LAMA2: variants seen among roughly 807,000 people sequenced by gnomAD.
LAMA2 encodes laminin subunit alpha-2.
Under a neutral mutation model 364.8 loss-of-function variants are expected in LAMA2, and 269 were observed. The observed-to-expected ratio is 0.74, with a 90% CI of 0.67 to 0.82. The LOEUF is 0.82. Among genes scored for constraint, LAMA2 ranks in the 40% least tolerant of loss-of-function variants. The pLI is 0.00. For synonymous variants in LAMA2, 1,379 were observed against 1,370.6 expected (o/e 1.01, Z -0.14); for missense variants, 3,807 against 3,873.2 (o/e 0.98, Z 0.45).
chr6:129,304,014 A>G (rs990437898), intron 22 of LAMA2, among the ~76,000 whole-genome samples: 6 of 152,190 alleles, frequency 3.9e-5, no homozygotes, highest in Non-Finnish European at 5.9e-5. Flanking sequence ...CCAAAAGCTC[A>G]CTATTTGAAA....
chr6:129,339,999 C>CA (rs150497724), intron 29 of LAMA2, among the ~76,000 whole-genome samples: 24,611 of 113,310 alleles, frequency 0.22, 2,621 homozygotes, highest in Non-Finnish European at 0.29. Flanking sequence ...GAGACTGTCT[C>CA]AAAAAAAAAA....
At chr6:129,066,046 T>TTTTTTTCTTTTTTTC (rs1789293206) in intron 3 of LAMA2, among the ~76,000 whole-genome samples, 1 of 82,752 alleles carries the variant, frequency 1.2e-5, no homozygotes, top group Non-Finnish European at 2.6e-5. Flanking sequence ...AGGTTTTTTT[T>TTTTTTTCTTTTTTTC]TTTTTTTTTT....
At chr6:129,359,434 AG>A (rs1777338624) in intron 32 of LAMA2, among the ~76,000 whole-genome samples, 1 of 151,778 alleles carries the variant, frequency 6.6e-6, no homozygotes. Flanking sequence ...ACAGGTTAAA[AG>A]GTCTTCTTAA....
At chr6:129,394,979 A>T (rs1204702632) in intron 37 of LAMA2, among the ~76,000 whole-genome samples, 1 of 152,240 alleles carries the variant, frequency 6.6e-6, no homozygotes, top group Non-Finnish European at 1.5e-5. Flanking sequence ...AAACTAACTG[A>T]ATCAATATGA....
intron 60 of LAMA2, among the ~76,000 whole-genome samples, chr6:129,504,287 A>C (rs565571186): frequency 6.6e-6 from 1 of 152,322 alleles, no homozygotes; most frequent in East Asian, 1.9e-4. Context: ...ATCTCTAGCT[A>C]ATAGAATAAT....
At chr6:129,022,226 G>C (rs1369114680) in intron 1 of LAMA2, among the ~76,000 whole-genome samples, 1 of 152,158 alleles carries the variant, frequency 6.6e-6, no homozygotes, top group Non-Finnish European at 1.5e-5. Flanking sequence ...CAAAAGAAAA[G>C]AAAGCAATCT....
In LAMA2 at chr6:129,095,590, C is replaced by T. The variant is rs181057645; in HGVS notation, c.397-2583C>T. Among the ~76,000 whole-genome samples, 111 of 151,270 alleles carry T rather than the reference C, an allele frequency of 7.3e-4. 1 individual carries two copies. The highest frequency in any genetic ancestry group is 2.6e-3 in the African/African-American group (108 of 41,258). On this transcript the variant is annotated intron_variant, in intron 3 of 64. Transcript: ENST00000421865. ...GGCAGTGAGCTGTACATTTTTTTTC[C>T]TAATGGGACATGGGTTATGGGTTAA...
At chr6:129,434,650 A>T (rs755305848) in intron 41 of LAMA2, among the ~76,000 whole-genome samples, 4 of 152,190 alleles carry the variant, frequency 2.6e-5, no homozygotes, top group Non-Finnish European at 4.4e-5. Context: ...GTTACAATTC[A>T]AACTGAATCA....
At chr6:128,883,430 A>G in intron 1 of LAMA2, 73 bp downstream of exon 1, 1 of 1,542,012 alleles carries the variant, frequency 6.5e-7, no homozygotes, top group Non-Finnish European at 8.7e-7. Context: ...CACTCTTCCG[A>G]GAGTTGCTGT....
intron 1 of LAMA2, among the ~76,000 whole-genome samples, chr6:128,885,664 A>G (rs1248132185): frequency 6.6e-6 from 1 of 152,210 alleles, no homozygotes; most frequent in East Asian, 1.9e-4. Context: ...CTAATTGTGT[A>G]GAAGTTCTAT....
intron 32 of LAMA2, among the ~76,000 whole-genome samples, chr6:129,354,454 AG>A (rs1777040550): frequency 6.6e-6 from 1 of 152,148 alleles, no homozygotes; most frequent in African/African-American, 2.4e-5. Context: ...TTTAGTTGAT[AG>A]TATATACACA....
chr6:129,162,158 A>C lies in LAMA2; in HGVS notation c.1207-3418A>C, dbSNP rs147313895. 9.1e-4 allele frequency among the ~76,000 whole-genome samples: 139 copies of C among 152,260 alleles called. 2 individuals carry two copies. The East Asian group carries it at 0.013, about 14-fold the overall frequency. ...TCCCTTTCTCTGCAACCTCACCAGTATCTGTTATTTTTGACTTTCAGTAAT... is the reference window on the plus strand; with the variant it reads ...TCCCTTTCTCTGCAACCTCACCAGTCTCTGTTATTTTTGACTTTCAGTAAT... On this transcript the variant is annotated intron_variant, in intron 8 of 64. Coordinates refer to ENST00000421865, the MANE Select transcript of LAMA2 (RefSeq NM_000426.4).
In LAMA2 at chr6:129,199,488, G is replaced by T. The variant is rs1782046919; in HGVS notation, c.1782+6635G>T. The stretch of plus-strand genomic sequence containing the variant: ...CACTTAACATTGTGCTAGAAGATGT[G>T]GACAGTGCAGTAGATAGGAAATAAA... On this transcript the variant is annotated intron_variant, in intron 12 of 64. Coordinates refer to ENST00000421865, the MANE Select transcript of LAMA2 (RefSeq NM_000426.4). Among the ~76,000 whole-genome samples the T allele has an allele frequency of 2.0e-5, 3 of 152,178 alleles. No homozygotes were observed. The South Asian group carries it at 6.2e-4, about 32-fold the overall frequency.
intron 1 of LAMA2, among the ~76,000 whole-genome samples, chr6:128,990,924 C>A (rs556847382): frequency 6.6e-6 from 1 of 152,082 alleles, no homozygotes; most frequent in South Asian, 2.1e-4. Flanking sequence ...TTAAAAGAAC[C>A]GCTCTACAGA....
At chr6:129,423,142 T>A (rs971364986) in intron 40 of LAMA2, among the ~76,000 whole-genome samples, 1 of 151,986 alleles carries the variant, frequency 6.6e-6, no homozygotes, top group African/African-American at 2.4e-5. Context: ...CTATTTTTTT[T>A]TAAAAACTGC....
At chr6:129,204,784 A>G (rs1782513873) in intron 12 of LAMA2, among the ~76,000 whole-genome samples, 1 of 152,204 alleles carries the variant, frequency 6.6e-6, no homozygotes, top group Non-Finnish European at 1.5e-5. Context: ...CTTGTTATAT[A>G]TATATAAAAC....
intron 3 of LAMA2, among the ~76,000 whole-genome samples, chr6:129,086,479 G>T (rs1774394058): frequency 2.0e-5 from 3 of 152,116 alleles, no homozygotes; most frequent in South Asian, 4.1e-4. Flanking sequence ...TTATCAAAAA[G>T]AAATGCTCAG....
chr6:129,183,634 A>C (rs1476003836), intron 10 of LAMA2, among the ~76,000 whole-genome samples: 1 of 151,868 alleles, frequency 6.6e-6, no homozygotes, highest in Non-Finnish European at 1.5e-5. Context: ...ATTTCTTGGG[A>C]TACCTCATTT....
chr6:129,007,093 C>G (rs750579578), intron 1 of LAMA2, among the ~76,000 whole-genome samples: 1 of 152,128 alleles, frequency 6.6e-6, no homozygotes, highest in African/African-American at 2.4e-5. Flanking sequence ...TGTTCCCCAT[C>G]GTGGCTCCTG....
Sources: allele counts gnomAD v4.1 joint callset (sites outside exome capture counted in the v4.1 genomes callset), GRCh38; gene constraint gnomAD v4.1.1; transcripts MANE v1.5; gene names NCBI Gene and HGNC (gene_info 2026-07-23, HGNC 2026-07-21).